The following EPB41L3 variants were observed in gnomAD, a reference collection of about 807,000 sequenced individuals.
EPB41L3 encodes band 4.1-like protein 3.
EPB41L3 carries 57 observed loss-of-function variants against 127.1 expected under a neutral mutation model. The ratio of observed to expected loss-of-function variants is 0.45; its 90% confidence interval spans 0.36 to 0.56. The LOEUF (loss-of-function observed/expected upper bound fraction) is 0.56, where lower values mean the gene tolerates loss of function less well. Among genes scored for constraint, EPB41L3 ranks in the 20% least tolerant of loss-of-function variants. The probability of loss-of-function intolerance (pLI) is 0.00; values close to 1 mark genes in which losing one functional copy is unlikely to be tolerated. For synonymous variants in EPB41L3, 572 were observed against 549.5 expected (o/e 1.04, Z -0.57); for missense variants, 1,273 against 1,372.2 (o/e 0.93, Z 1.14).
chr18:5,496,100 T>C (rs1367257770), intron 1 of EPB41L3, among the ~76,000 whole-genome samples: 5 of 152,296 alleles, frequency 3.3e-5, no homozygotes, highest in Admixed American at 2.6e-4. Context: ...CCTGAAAAAG[T>C]TGAAAAAAAC....
In EPB41L3 at chr18:5,489,089, G is replaced by GGCGCCCCCGCGCGCCCCT; in HGVS notation, c.77_94dup (p.Gln26_Ala31dup). 1 of 1,594,724 alleles carries GGCGCCCCCGCGCGCCCCT rather than the reference G, an allele frequency of 6.3e-7. No homozygotes were observed. The highest frequency in any genetic ancestry group is 8.5e-7 in the Non-Finnish European group (1 of 1,174,354). On this transcript the variant is annotated inframe_insertion, in exon 2 of 23. Coordinates refer to ENST00000341928, the MANE Select transcript of EPB41L3 (RefSeq NM_012307.5). ...CTCCTCCTTGGGCGGCTCCGGCACGGGCGCCCCCGCGCGCCCCTGCGCCCC... is the reference window on the plus strand; with the variant it reads ...CTCCTCCTTGGGCGGCTCCGGCACGGGCGCCCCCGCGCGCCCCTGCGCCCCCGCGCGCCCCTGCGCCCC...
At chr18:5,535,152 G>A (rs1270206156) in intron 1 of EPB41L3, among the ~76,000 whole-genome samples, 1 of 152,104 alleles carries the variant, frequency 6.6e-6, no homozygotes, top group Non-Finnish European at 1.5e-5. Flanking sequence ...ATCTGATGAT[G>A]TGAAGTGGAA....
At chr18:5,467,421 C>T (rs1487293665) in intron 3 of EPB41L3, 1 of 152,146 alleles carries the variant, frequency 6.6e-6, no homozygotes, top group Non-Finnish European at 1.5e-5. Flanking sequence ...GGATCTGAGC[C>T]CCTTTTCTCC....
chr18:5,482,278 T>C lies in EPB41L3; in HGVS notation c.184-3840A>G, dbSNP rs75487930. On this transcript the variant is annotated intron_variant, in intron 2 of 22. Transcript: ENST00000341928. Reference sequence around the variant, plus strand: ...TGAACAAAGCACAGGAAAGATTCAGTGAGCTCAAAGACCAGCTATTTGAAA... The same window carrying C: ...TGAACAAAGCACAGGAAAGATTCAGCGAGCTCAAAGACCAGCTATTTGAAA... Among the ~76,000 whole-genome samples the C allele has an allele frequency of 4.5e-3, 678 of 152,178 alleles. 6 individuals carry two copies. The highest frequency in any genetic ancestry group is 0.016 in the African/African-American group (648 of 41,518).
At chr18:5,477,728 G>C (rs1304328503) in intron 3 of EPB41L3, among the ~76,000 whole-genome samples, 1 of 152,022 alleles carries the variant, frequency 6.6e-6, no homozygotes, top group Admixed American at 6.6e-5. Flanking sequence ...AAAACAAAGG[G>C]TATACCCTTT....
chr18:5,592,070 C>T (rs989554562), intron 3 of EPB41L3, among the ~76,000 whole-genome samples: 2 of 152,122 alleles, frequency 1.3e-5, no homozygotes, highest in African/African-American at 4.8e-5. Context: ...AAACAATGAG[C>T]TAATCAACTA....
intron 3 of EPB41L3, among the ~76,000 whole-genome samples, chr18:5,565,826 A>G (rs1047445430): frequency 6.6e-6 from 1 of 151,974 alleles, no homozygotes; most frequent in East Asian, 1.9e-4. Context: ...TTATGGCTGC[A>G]TAGTGTTCCA....
At chr18:5,596,057 T>G (rs1394213354) in intron 3 of EPB41L3, among the ~76,000 whole-genome samples, 1 of 152,212 alleles carries the variant, frequency 6.6e-6, no homozygotes, top group East Asian at 1.9e-4. Flanking sequence ...AAGAGCTTCC[T>G]GAGATGCTTA....
intron 2 of EPB41L3, among the ~76,000 whole-genome samples, chr18:5,484,086 C>CAAAAAAAAAAAAAAAAACAA (rs2089170185): frequency 5.5e-5 from 1 of 18,264 alleles, no homozygotes; most frequent in African/African-American, 1.2e-4. Context: ...CAAACAAACT[C>CAAAAAAAAAAAAAAAAACAA]AAAAAAAAAA....
At chr18:5,478,167 A>G (rs2087631948) in intron 3 of EPB41L3, 74 bp downstream of exon 3, 1 of 1,321,812 alleles carries the variant, frequency 7.6e-7, no homozygotes, top group Non-Finnish European at 1.1e-6. Flanking sequence ...ATAAAGAGGC[A>G]TCTTGTATAT....
intron 1 of EPB41L3, among the ~76,000 whole-genome samples, chr18:5,534,347 G>C (rs1029733944): frequency 2.6e-5 from 4 of 152,160 alleles, no homozygotes; most frequent in Non-Finnish European, 2.9e-5. Flanking sequence ...GACAAAAGTC[G>C]TTAAGACAGT....
chr18:5,595,386 G>A (rs1218871421), intron 3 of EPB41L3, among the ~76,000 whole-genome samples: 2 of 152,048 alleles, frequency 1.3e-5, no homozygotes, highest in Admixed American at 6.6e-5. Flanking sequence ...GGCTGTGCAC[G>A]CCCTCCCCAG....
intron 3 of EPB41L3, among the ~76,000 whole-genome samples, chr18:5,453,409 A>G (rs1035917234): frequency 1.3e-5 from 2 of 152,222 alleles, no homozygotes; most frequent in Admixed American, 6.5e-5. Flanking sequence ...GGGTTCCTGC[A>G]TCAGAAGGTG....
intron 6 of EPB41L3, among the ~76,000 whole-genome samples, chr18:5,435,822 T>TC (rs1253187331): frequency 6.6e-6 from 1 of 152,132 alleles, no homozygotes; most frequent in Non-Finnish European, 1.5e-5. Context: ...AACTTCACTC[T>TC]CAATTTCCTG....
chr18:5,488,964 C>A, intron 2 of EPB41L3, 37 bp downstream of exon 2: 1 of 1,550,358 alleles, frequency 6.5e-7, no homozygotes, highest in East Asian at 2.4e-5. Context: ...AGCAGCTCAG[C>A]AAACACTGCG....
chr18:5,605,983 C>T (rs1460404745), intron 3 of EPB41L3, among the ~76,000 whole-genome samples: 1 of 152,078 alleles, frequency 6.6e-6, no homozygotes, highest in African/African-American at 2.4e-5. Context: ...TCCAGGGACG[C>T]TAATGGCACA....
chr18:5,499,306 G>A lies in EPB41L3; in HGVS notation c.-11-10112C>T, dbSNP rs556509290. ...TATCCCACACAAGTCATGTACATTG[G>A]TATGCGGTACTACTCTTCACCTCCT... On this transcript the variant is annotated intron_variant, in intron 1 of 22. Transcript: ENST00000341928. Among the ~76,000 whole-genome samples the A allele has an allele frequency of 7.9e-5, 12 of 152,198 alleles. No homozygotes were observed. In the East Asian group the frequency reaches 2.3e-3, roughly 29 times the overall value.
chr18:5,433,649 G>C, intron 7 of EPB41L3, 93 bp from the exon 8 acceptor site: 1 of 1,128,904 alleles, frequency 8.9e-7, no homozygotes, highest in Non-Finnish European at 1.3e-6. Flanking sequence ...CTCATAAGAA[G>C]TCCTATGGAG....
At chr18:5,431,574 A>G (rs1000172252) in intron 8 of EPB41L3, among the ~76,000 whole-genome samples, 1 of 152,232 alleles carries the variant, frequency 6.6e-6, no homozygotes, top group Non-Finnish European at 1.5e-5. Flanking sequence ...AAGTGATTTT[A>G]TATTTACTGA....
Sources: gnomAD v4.1 joint callset for allele counts (sites outside exome capture counted in the v4.1 genomes callset) on GRCh38, gnomAD v4.1.1 for gene constraint, MANE v1.5 for transcripts, NCBI Gene and HGNC (gene_info 2026-07-23, HGNC 2026-07-21) for gene names.